SLC35D2: variants seen among roughly 807,000 people sequenced by gnomAD.
SLC35D2 encodes solute carrier family 35 member D2, also known as nucleotide sugar transporter SLC35D2.
SLC35D2 carries 43 observed loss-of-function variants against 41.8 expected under a neutral mutation model. That is an observed-to-expected ratio of 1.03 (90% CI 0.81 to 1.33). The LOEUF is 1.33. SLC35D2 is among the 40% of genes most tolerant of loss of function. The pLI, the probability that SLC35D2 is intolerant of heterozygous loss-of-function variation, is 0.00. For missense variants in SLC35D2, 380 were observed against 408.4 expected (o/e 0.93, Z 0.60); for synonymous variants, 150 against 163.9 (o/e 0.92, Z 0.65).
intron 8 of SLC35D2, among the ~76,000 whole-genome samples, chr9:96,343,059 G>A (rs577269560): frequency 6.0e-4 from 92 of 152,318 alleles, no homozygotes; most frequent in African/African-American, 2.0e-3. Flanking sequence ...TTTGCCCATC[G>A]CATCTCGTTT....
At chr9:96,350,345 TC>T (rs1829760091) in intron 6 of SLC35D2, among the ~76,000 whole-genome samples, 1 of 138,160 alleles carries the variant, frequency 7.2e-6, no homozygotes, top group Non-Finnish European at 1.6e-5. Flanking sequence ...TAATTTTCTT[TC>T]CTTTTTTTTT....
chr9:96,347,344 G>A (rs1022968052), intron 6 of SLC35D2, among the ~76,000 whole-genome samples: 10 of 152,134 alleles, frequency 6.6e-5, no homozygotes, highest in African/African-American at 2.2e-4. Flanking sequence ...TCCCACTCCC[G>A]GAAGCCTGGG....
chr9:96,350,990 T>C (rs1829787644), intron 6 of SLC35D2, 113 bp downstream of exon 6: 1 of 797,106 alleles, frequency 1.3e-6, no homozygotes, highest in Non-Finnish European at 2.1e-6. Context: ...GATTTGTCTC[T>C]TGCCTGCTCA....
intron 1 of SLC35D2, among the ~76,000 whole-genome samples, chr9:96,373,379 T>C (rs1031306666): frequency 2.6e-5 from 4 of 152,108 alleles, no homozygotes; most frequent in African/African-American, 9.7e-5. Context: ...TGATATGTCC[T>C]TTTTTTCTTT....
In SLC35D2 at chr9:96,352,132, T is replaced by C. The variant is rs376349382; in HGVS notation, c.348-23A>G. Reference sequence around the variant, plus strand: ...AGGCTGCCAGGAAAAGAGTGAAGCATGTCAGACACCAAGGGTTGGTTGATT... The same window carrying C: ...AGGCTGCCAGGAAAAGAGTGAAGCACGTCAGACACCAAGGGTTGGTTGATT... On this transcript the variant is annotated intron_variant, in intron 4 of 11. Coordinates refer to ENST00000253270, the MANE Select transcript of SLC35D2 (RefSeq NM_007001.3). 50 of 1,560,298 alleles carry C rather than the reference T, an allele frequency of 3.2e-5. No homozygotes were observed. The African/African-American group carries it at 5.3e-4, about 16-fold the overall frequency.
At position 96,354,766 on chromosome 9, in the gene SLC35D2, CAAAAA is replaced by C. The variant is rs59013884; in HGVS notation, c.348-2662_348-2658del. 2.6e-4 allele frequency among the ~76,000 whole-genome samples: 12 copies of C among 46,744 alleles called. 1 individual carries two copies. The highest frequency in any genetic ancestry group is 5.9e-4 in the African/African-American group (10 of 17,052). 30.7% of individuals were successfully genotyped at this position (46,744 alleles called of 152,430 possible). ...TGGGCAACAAAGTGAGACTCCATCT[CAAAAA>C]AAAAAAAAAAAAAAAAAAAAGTTAC... On this transcript the variant is annotated intron_variant, in intron 4 of 11. Coordinates refer to ENST00000253270, the MANE Select transcript of SLC35D2 (RefSeq NM_007001.3).
chr9:96,360,089 G>T, intron 4 of SLC35D2, 65 bp downstream of exon 4: 3 of 1,170,326 alleles, frequency 2.6e-6, no homozygotes, highest in Non-Finnish European at 3.8e-6. Context: ...AATCAATCTT[G>T]GTCTTTGTAC....
At chr9:96,330,052 T>C (rs1222337727) in intron 9 of SLC35D2, among the ~76,000 whole-genome samples, 1 of 152,232 alleles carries the variant, frequency 6.6e-6, no homozygotes, top group Non-Finnish European at 1.5e-5. Flanking sequence ...TGTAACTTGG[T>C]GGTCCAAGGC....
rs747890053 is a variant in SLC35D2 at position 96,321,204 on chromosome 9, G to A, written c.*38C>T. The A allele has an allele frequency of 4.0e-5, 59 of 1,472,710 alleles. No individual in the cohort carries two copies. The highest frequency in any genetic ancestry group is 1.7e-4 in the Middle Eastern group (1 of 5,790). 91.2% of individuals were successfully genotyped at this position (1,472,710 alleles called of 1,614,324 possible). ...CCTACTGGGAATGCCCCCCCAGCCC[G>A]CAGTCACAAGTCAGTCTCCAATCCT... is the stretch of plus-strand genomic sequence containing the variant. On this transcript the variant is annotated 3_prime_UTR_variant, in exon 12 of 12. Transcript: ENST00000253270.
chr9:96,361,135 CA>C (rs1394851488), intron 3 of SLC35D2, among the ~76,000 whole-genome samples: 1 of 152,154 alleles, frequency 6.6e-6, no homozygotes, highest in Non-Finnish European at 1.5e-5. Context: ...TTGGTATAGC[CA>C]CCATGAAGAA....
At chr9:96,361,774 T>C (rs1432670947) in intron 3 of SLC35D2, among the ~76,000 whole-genome samples, 2 of 150,252 alleles carry the variant, frequency 1.3e-5, no homozygotes, top group African/African-American at 2.5e-5. Context: ...GGAAAGGCCA[T>C]TGAGGACACA....
intron 9 of SLC35D2, among the ~76,000 whole-genome samples, chr9:96,336,351 G>T (rs1269156040): frequency 1.3e-5 from 2 of 152,024 alleles, no homozygotes; most frequent in South Asian, 4.2e-4. Flanking sequence ...GTCCAGCCTG[G>T]GCAACACAGT....
chr9:96,349,671 AC>A, intron 6 of SLC35D2, among the ~76,000 whole-genome samples: 1 of 152,148 alleles, frequency 6.6e-6, no homozygotes, highest in East Asian at 1.9e-4. Context: ...GATTATAGGC[AC>A]CTGCCACCAC....
downstream of SLC35D2, among the ~76,000 whole-genome samples, chr9:96,319,383 G>A (rs143394943): frequency 6.0e-4 from 92 of 152,168 alleles, no homozygotes; most frequent in Admixed American, 9.8e-4. Flanking sequence ...ACAGAGTTTC[G>A]GTTTTGCAAG....
At chr9:96,344,043 G>T in intron 7 of SLC35D2, 47 bp from the exon 8 acceptor site, 1 of 1,259,488 alleles carries the variant, frequency 7.9e-7, no homozygotes, top group Non-Finnish European at 1.1e-6. Context: ...GAAACGTGAG[G>T]CACAGATTTC....
intron 3 of SLC35D2, among the ~76,000 whole-genome samples, chr9:96,361,894 T>G (rs1830292992): frequency 6.6e-6 from 1 of 152,102 alleles, no homozygotes; most frequent in Non-Finnish European, 1.5e-5. Context: ...GAGATCCATT[T>G]CTGTTGTTGA....
intron 1 of SLC35D2, among the ~76,000 whole-genome samples, chr9:96,377,441 C>T (rs914934703): frequency 6.6e-6 from 1 of 152,158 alleles, no homozygotes; most frequent in African/African-American, 2.4e-5. Context: ...GCCAGCTCCC[C>T]AAACCCTGAC....
At chr9:96,319,644 C>G (rs1268620594), downstream of SLC35D2, among the ~76,000 whole-genome samples, 1 of 152,098 alleles carries the variant, frequency 6.6e-6, no homozygotes, top group African/African-American at 2.4e-5. Flanking sequence ...TAGCTGGCAT[C>G]AGAGGTGTGC....
At chr9:96,372,137 G>A (rs1037624980) in intron 1 of SLC35D2, among the ~76,000 whole-genome samples, 3 of 152,282 alleles carry the variant, frequency 2.0e-5, no homozygotes, top group South Asian at 4.1e-4. Flanking sequence ...AGTGTAAGAC[G>A]ACGTTCCCAG....
Sources: allele counts gnomAD v4.1 joint callset (sites outside exome capture counted in the v4.1 genomes callset), GRCh38; gene constraint gnomAD v4.1.1; transcripts MANE v1.5; gene names NCBI Gene and HGNC (gene_info 2026-07-23, HGNC 2026-07-21).